CERS6: variants seen among roughly 807,000 people sequenced by gnomAD.
CERS6 encodes the protein ceramide synthase 6.
Under a neutral mutation model 56.8 loss-of-function variants are expected in CERS6, and 26 were observed. The observed-to-expected ratio is 0.46, with a 90% CI of 0.34 to 0.63. CERS6 has a LOEUF of 0.63. CERS6 is among the 30% of genes least tolerant of loss of function. CERS6 has a pLI of 0.01. For synonymous variants in CERS6, 164 were observed against 173.3 expected, an observed-to-expected ratio of 0.95 and a Z score of 0.42; for missense variants, 415 against 467.5, an observed-to-expected ratio of 0.89 and a Z score of 1.04.
intron 3 of CERS6, among the ~76,000 whole-genome samples, chr2:168,602,000 T>C (rs1305204930): frequency 6.6e-6 from 1 of 152,180 alleles, no homozygotes; most frequent in Non-Finnish European, 1.5e-5. Context: ...TTACTGCCCT[T>C]TGAAACCACA....
At chr2:168,700,387 T>C (rs1686775643) in intron 6 of CERS6, among the ~76,000 whole-genome samples, 1 of 152,168 alleles carries the variant, frequency 6.6e-6, no homozygotes. Flanking sequence ...AACTATGTAG[T>C]GTACGGTGCT....
intron 3 of CERS6, among the ~76,000 whole-genome samples, chr2:168,562,242 G>A (rs984473960): frequency 6.6e-6 from 1 of 152,138 alleles, no homozygotes; most frequent in Non-Finnish European, 1.5e-5. Context: ...TGAAAAAAGT[G>A]TTTCAGTGTG....
chr2:168,733,882 C>A (rs1323733342), intron 8 of CERS6, among the ~76,000 whole-genome samples: 3 of 98,238 alleles, frequency 3.1e-5, no homozygotes, highest in Non-Finnish European at 2.8e-5. Context: ...TTCTCTTGAA[C>A]CCATTAGGGG....
chr2:168,492,878 TGACTCTAA>T (rs1453294725), intron 1 of CERS6, among the ~76,000 whole-genome samples: 1 of 152,324 alleles, frequency 6.6e-6, no homozygotes, highest in African/African-American at 2.4e-5. Context: ...TTATACATAA[TGACTCTAA>T]ATGTAATTTT....
chr2:168,720,471 T>G (rs1042967390), intron 8 of CERS6, among the ~76,000 whole-genome samples: 1 of 152,082 alleles, frequency 6.6e-6, no homozygotes, highest in Non-Finnish European at 1.5e-5. Flanking sequence ...GGGGTCTGAG[T>G]ATCTTGATTG....
chr2:168,516,911 C>A (rs1038695752), intron 1 of CERS6, among the ~76,000 whole-genome samples: 1 of 152,056 alleles, frequency 6.6e-6, no homozygotes, highest in Non-Finnish European at 1.5e-5. Context: ...CACTCTTGAT[C>A]ACAAGTCTGT....
At chr2:168,720,675 A>AT (rs1207799371) in intron 8 of CERS6, among the ~76,000 whole-genome samples, 2 of 152,158 alleles carry the variant, frequency 1.3e-5, no homozygotes, top group African/African-American at 4.8e-5. Flanking sequence ...ACACTAAGTG[A>AT]TTTTATGTCT....
Position 168,477,791 on chromosome 2 carries a change from C to G in CERS6, c.170+21173C>G, listed in dbSNP as rs115650904. Among the ~76,000 whole-genome samples the G allele has an allele frequency of 4.8e-3, 735 of 152,320 alleles. 4 individuals are homozygous for G. Among genetic ancestry groups the G allele is most frequent in the Middle Eastern group, 0.014 (4 of 294 alleles). On this transcript the variant is annotated intron_variant, in intron 1 of 9. Transcript: ENST00000305747. ...GTTTCTAACAGTATGATTGAACTTGCAAACGCTTGCCAATTGACTGTGTGA... is the reference window on the plus strand; with the variant it reads ...GTTTCTAACAGTATGATTGAACTTGGAAACGCTTGCCAATTGACTGTGTGA...
chr2:168,735,895 AAAAG>A (rs1182357733), intron 8 of CERS6, among the ~76,000 whole-genome samples: 2 of 150,940 alleles, frequency 1.3e-5, no homozygotes, highest in African/African-American at 2.4e-5. Flanking sequence ...AAAAAAAAAA[AAAAG>A]AAAGAAAGAA....
chr2:168,719,940 A>AT lies in CERS6; in HGVS notation c.845+1975dup, dbSNP rs879363924. 6.2e-3 allele frequency among the ~76,000 whole-genome samples: 914 copies of AT among 146,512 alleles called. 5 individuals are homozygous for AT. Among genetic ancestry groups the AT allele is most frequent in the African/African-American group, 0.018 (728 of 40,160 alleles). ...TTTAACTCAGTATATTCAAAATAGTATTTTTTTTTTTTTAAGACAGAGTCT... is the reference window on the plus strand; with the variant it reads ...TTTAACTCAGTATATTCAAAATAGTATTTTTTTTTTTTTTAAGACAGAGTCT... On this transcript the variant is annotated intron_variant, in intron 8 of 9. Transcript: ENST00000305747.
At chr2:168,551,179 A>G (rs1416460689) in intron 2 of CERS6, among the ~76,000 whole-genome samples, 1 of 152,236 alleles carries the variant, frequency 6.6e-6, no homozygotes, top group Non-Finnish European at 1.5e-5. Flanking sequence ...CACAGGTCAC[A>G]TGCCCTATCT....
intron 1 of CERS6, among the ~76,000 whole-genome samples, chr2:168,459,130 C>T (rs1468567667): frequency 1.3e-5 from 2 of 152,232 alleles, no homozygotes; most frequent in Non-Finnish European, 2.9e-5. Context: ...GAATAATTCT[C>T]TCAAGATTCT....
chr2:168,496,605 C>T (rs1694475984), intron 1 of CERS6, among the ~76,000 whole-genome samples: 1 of 152,112 alleles, frequency 6.6e-6, no homozygotes, highest in Admixed American at 6.6e-5. Flanking sequence ...TTCTTACCTG[C>T]CTACTCACAG....
intron 1 of CERS6, among the ~76,000 whole-genome samples, chr2:168,507,669 C>T (rs1694703338): frequency 6.6e-6 from 1 of 152,154 alleles, no homozygotes. Context: ...GTTTTGCCAA[C>T]ATCTTGTTCC....
chr2:168,468,115 C>G (rs1693915163), intron 1 of CERS6, among the ~76,000 whole-genome samples: 2 of 152,098 alleles, frequency 1.3e-5, no homozygotes. Flanking sequence ...TGTGGAAAAC[C>G]ATTTCTAATG....
intron 4 of CERS6, among the ~76,000 whole-genome samples, chr2:168,679,099 T>C (rs1007001406): frequency 6.6e-6 from 1 of 152,198 alleles, no homozygotes; most frequent in Non-Finnish European, 1.5e-5. Context: ...AAATACTGTA[T>C]GATCTTATTC....
intron 1 of CERS6, among the ~76,000 whole-genome samples, chr2:168,518,516 C>G (rs1166967944): frequency 6.6e-6 from 1 of 152,124 alleles, no homozygotes; most frequent in Non-Finnish European, 1.5e-5. Context: ...ATATGTTTGT[C>G]TTCTTCTCTT....
intron 1 of CERS6, among the ~76,000 whole-genome samples, chr2:168,494,453 G>C (rs1430590166): frequency 3.3e-5 from 5 of 152,204 alleles, no homozygotes; most frequent in Admixed American, 1.3e-4. Flanking sequence ...TTTGGGTTAT[G>C]ATGAGGATCA....
At chr2:168,732,345 C>T (rs1490727613) in intron 8 of CERS6, among the ~76,000 whole-genome samples, 1 of 152,206 alleles carries the variant, frequency 6.6e-6, no homozygotes, top group Non-Finnish European at 1.5e-5. Flanking sequence ...TGCTCAGTCC[C>T]TTGCACCTGG....
Sources: gnomAD v4.1 joint callset for allele counts (sites outside exome capture counted in the v4.1 genomes callset) on GRCh38, gnomAD v4.1.1 for gene constraint, MANE v1.5 for transcripts, NCBI Gene and HGNC (gene_info 2026-07-23, HGNC 2026-07-21) for gene names.